FER1L6: variants seen among roughly 807,000 people sequenced by gnomAD.
FER1L6 encodes the protein fer-1-like protein 6.
FER1L6 carries 177 observed loss-of-function variants against 219.2 expected under a neutral mutation model. The observed-to-expected ratio is 0.81, with a 90% CI of 0.71 to 0.91. The LOEUF (loss-of-function observed/expected upper bound fraction) is 0.91. Ranked by LOEUF, FER1L6 falls within the 40% of genes least tolerant of loss-of-function variation. The pLI is 0.00. For missense variants in FER1L6, 2,153 were observed against 2,259.9 expected, an observed-to-expected ratio of 0.95 and a Z score of 0.96; for synonymous variants, 768 against 824.3, an observed-to-expected ratio of 0.93 and a Z score of 1.17.
At chr8:124,010,316 G>T (rs545740399) in intron 13 of FER1L6, among the ~76,000 whole-genome samples, 6 of 152,096 alleles carry the variant, frequency 3.9e-5, no homozygotes, top group Admixed American at 3.9e-4. Context: ...CTTGAAAAAG[G>T]CCTGCCTAAA....
At chr8:123,937,715 A>G (rs1814065794) in intron 1 of FER1L6, among the ~76,000 whole-genome samples, 1 of 152,242 alleles carries the variant, frequency 6.6e-6, no homozygotes, top group South Asian at 2.1e-4. Context: ...CAGTAATACA[A>G]GATTTATAAT....
intron 1 of FER1L6, among the ~76,000 whole-genome samples, chr8:123,892,207 T>C (rs954759155): frequency 6.6e-6 from 1 of 152,214 alleles, no homozygotes; most frequent in Non-Finnish European, 1.5e-5. Context: ...TTTTCTCTTT[T>C]GAAAAACATT....
At chr8:123,855,722 C>T (rs1586421372) in intron 1 of FER1L6, among the ~76,000 whole-genome samples, 1 of 132,684 alleles carries the variant, frequency 7.5e-6, no homozygotes. Context: ...CACACACACA[C>T]ACACATATAC....
intron 1 of FER1L6, among the ~76,000 whole-genome samples, chr8:123,927,716 A>G (rs1813622292): frequency 6.6e-6 from 1 of 152,360 alleles, no homozygotes; most frequent in Non-Finnish European, 1.5e-5. Flanking sequence ...CGTTCACATT[A>G]TGTAAGACAG....
intron 12 of FER1L6, among the ~76,000 whole-genome samples, chr8:123,987,597 C>T (rs1286487668): frequency 1.3e-5 from 2 of 152,122 alleles, no homozygotes; most frequent in Non-Finnish European, 2.9e-5. Flanking sequence ...AATCTTTGCC[C>T]AGATCAATGC....
At chr8:123,868,274 A>G (rs183903375) in intron 1 of FER1L6, among the ~76,000 whole-genome samples, 1 of 152,328 alleles carries the variant, frequency 6.6e-6, no homozygotes, top group East Asian at 1.9e-4. Flanking sequence ...AAATCATGAC[A>G]TTTAAGAATC....
At chr8:123,875,489 T>C (rs1816992459) in intron 1 of FER1L6, among the ~76,000 whole-genome samples, 1 of 152,218 alleles carries the variant, frequency 6.6e-6, no homozygotes, top group Admixed American at 6.5e-5. Context: ...CTTCTTCTTC[T>C]AAATCAGTAT....
chr8:124,060,168 C>T lies in FER1L6; in HGVS notation c.2875-12C>T, dbSNP rs2130821956. The T allele has an allele frequency of 6.2e-7, 1 of 1,606,746 alleles. No homozygotes were observed. The highest frequency in any genetic ancestry group is 8.5e-7 in the Non-Finnish European group (1 of 1,173,342). On this transcript the variant is annotated splice_polypyrimidine_tract_variant and intron_variant, in intron 22 of 40. Coordinates refer to ENST00000522917, the MANE Select transcript of FER1L6 (RefSeq NM_001039112.2). ...TCTCCAGCATCTAACTCATACTTGC[C>T]TTGTGCGGTAGGTTCCTCCTTCTGG...
chr8:123,900,684 C>T (rs990074782), intron 1 of FER1L6, among the ~76,000 whole-genome samples: 2 of 152,040 alleles, frequency 1.3e-5, no homozygotes, highest in African/African-American at 2.4e-5. Context: ...CCTTGTATGC[C>T]GATTTTGCTG....
At chr8:124,032,697 C>T (rs868485652) in intron 18 of FER1L6, among the ~76,000 whole-genome samples, 1 of 150,668 alleles carries the variant, frequency 6.6e-6, no homozygotes, top group Non-Finnish European at 1.5e-5. Context: ...GCTGAGACTG[C>T]ACCACGTCAC....
At chr8:123,960,786 T>G (rs991731675) in intron 2 of FER1L6, among the ~76,000 whole-genome samples, 1 of 152,126 alleles carries the variant, frequency 6.6e-6, no homozygotes, top group African/African-American at 2.4e-5. Flanking sequence ...GATCACCTCA[T>G]CTCAAACTCT....
chr8:123,936,788 A>T (rs888554505), intron 1 of FER1L6, among the ~76,000 whole-genome samples: 2 of 152,132 alleles, frequency 1.3e-5, no homozygotes, highest in African/African-American at 4.8e-5. Flanking sequence ...CAATTGATAA[A>T]AGCTTATATT....
In FER1L6 at chr8:124,007,935, C is replaced by A. The variant is rs370845466; in HGVS notation, c.1701-2659C>A. On this transcript the variant is annotated intron_variant, in intron 13 of 40. Transcript: ENST00000522917. Reference sequence around the variant, plus strand: ...TATATAATGCACTTACATCTGTTATCTTTTTTAAAATTGCCTTTTTCCATA... The same window carrying A: ...TATATAATGCACTTACATCTGTTATATTTTTTAAAATTGCCTTTTTCCATA... Among the ~76,000 whole-genome samples, 9 of 152,200 alleles carry A rather than the reference C, an allele frequency of 5.9e-5. No homozygotes were observed. The South Asian group carries it at 1.9e-3, about 32-fold the overall frequency.
intron 24 of FER1L6, chr8:124,060,935 C>T (rs1428032305): frequency 1.3e-5 from 5 of 399,348 alleles, no homozygotes; most frequent in Non-Finnish European, 2.3e-5. Flanking sequence ...TTTCCTATAA[C>T]AGTGGTTCCC....
chr8:123,864,497 C>G lies in FER1L6; in HGVS notation c.-8+12312C>G, dbSNP rs916925890. Among the ~76,000 whole-genome samples the G allele has an allele frequency of 2.1e-4, 31 of 150,068 alleles. 1 individual carries two copies. Among genetic ancestry groups the G allele is most frequent in the African/African-American group, 6.0e-4 (24 of 39,700 alleles). ...TCTCGAGGAGTATCTTTGTGGCGTT[C>G]TCTGTATTTCCTGAATCTGAACGTT... On this transcript the variant is annotated intron_variant, in intron 1 of 40. Transcript: ENST00000522917.
intron 1 of FER1L6, among the ~76,000 whole-genome samples, chr8:123,903,704 C>T (rs1373775742): frequency 3.3e-5 from 5 of 152,032 alleles, no homozygotes; most frequent in South Asian, 4.1e-4. Context: ...TCTACGCTTA[C>T]GTATGTTCAC....
chr8:123,870,406 T>G (rs1816906021), intron 1 of FER1L6, among the ~76,000 whole-genome samples: 1 of 152,176 alleles, frequency 6.6e-6, no homozygotes. Context: ...CAATATGTCT[T>G]TCAATAGGTG....
At chr8:124,050,943 A>T (rs1819991675) in intron 22 of FER1L6, among the ~76,000 whole-genome samples, 1 of 152,174 alleles carries the variant, frequency 6.6e-6, no homozygotes, top group Admixed American at 6.6e-5. Context: ...AGGTAAGTCT[A>T]GTTTTCAGAA....
chr8:124,074,949 T>C (rs1457779978), intron 31 of FER1L6, among the ~76,000 whole-genome samples: 6 of 152,034 alleles, frequency 3.9e-5, no homozygotes, highest in African/African-American at 1.2e-4. Context: ...TTGAAAAAAA[T>C]GGTACACCTG....
Sources: allele counts gnomAD v4.1 joint callset (sites outside exome capture counted in the v4.1 genomes callset), GRCh38; gene constraint gnomAD v4.1.1; transcripts MANE v1.5; gene names NCBI Gene and HGNC (gene_info 2026-07-23, HGNC 2026-07-21).